Variants in ANKS1B observed in about 807,000 individuals in gnomAD.
The protein encoded by ANKS1B is ankyrin repeat and sterile alpha motif domain-containing protein 1B.
Under a neutral mutation model 148.3 loss-of-function variants are expected in ANKS1B, and 36 were observed. The ratio of observed to expected loss-of-function variants is 0.24; its 90% CI spans 0.19 to 0.32. The LOEUF (loss-of-function observed/expected upper bound fraction) is 0.32, where lower values mean the gene tolerates loss of function less well. Among genes scored for constraint, ANKS1B ranks in the 10% least tolerant of loss-of-function variants. ANKS1B has a pLI of 1.00. For synonymous variants in ANKS1B, 542 were observed against 560.8 expected (o/e 0.97, Z 0.47); for missense variants, 1,157 against 1,542.6 (o/e 0.75, Z 4.19).
chr12:98,859,498 G>A (rs1196614280), intron 17 of ANKS1B, among the ~76,000 whole-genome samples: 1 of 152,212 alleles, frequency 6.6e-6, no homozygotes, highest in Non-Finnish European at 1.5e-5. Flanking sequence ...TACAGTGATT[G>A]AGTACATAAG....
chr12:99,638,714 T>TG (rs1231809233), intron 9 of ANKS1B, among the ~76,000 whole-genome samples: 1 of 151,874 alleles, frequency 6.6e-6, no homozygotes, highest in Non-Finnish European at 1.5e-5. Context: ...ACCAAGACAA[T>TG]GGGGAAAATG....
intron 19 of ANKS1B, among the ~76,000 whole-genome samples, chr12:98,822,376 C>T (rs943191431): frequency 1.3e-5 from 2 of 152,124 alleles, no homozygotes; most frequent in African/African-American, 4.8e-5. Context: ...CAGATTATAA[C>T]AGCCAAAACT....
intron 17 of ANKS1B, among the ~76,000 whole-genome samples, chr12:99,020,334 A>G (rs538365667): frequency 3.9e-5 from 6 of 152,232 alleles, no homozygotes; most frequent in Admixed American, 3.9e-4. Context: ...ATGGAATCAT[A>G]TAATATTTGT....
chr12:99,305,997 G>A (rs187755028), intron 12 of ANKS1B, among the ~76,000 whole-genome samples: 1 of 152,152 alleles, frequency 6.6e-6, no homozygotes, highest in Admixed American at 6.6e-5. Context: ...CACTTTGGGG[G>A]ATGCTTTTTA....
intron 22 of ANKS1B, among the ~76,000 whole-genome samples, chr12:98,795,251 T>C (rs528874172): frequency 7.0e-4 from 106 of 152,358 alleles, no homozygotes; most frequent in South Asian, 6.4e-3. Flanking sequence ...ACTAACAATT[T>C]GTATGACAGT....
chr12:98,870,792 C>T (rs1188099770), intron 17 of ANKS1B, among the ~76,000 whole-genome samples: 2 of 152,240 alleles, frequency 1.3e-5, no homozygotes, highest in African/African-American at 4.8e-5. Context: ...AGGCCCAGGA[C>T]GACAAACCTT....
At chr12:99,878,921 T>A (rs1396360517) in intron 1 of ANKS1B, among the ~76,000 whole-genome samples, 1 of 152,168 alleles carries the variant, frequency 6.6e-6, no homozygotes, top group Non-Finnish European at 1.5e-5. Flanking sequence ...TTCCTGACAG[T>A]CTTTCTTCTG....
intron 17 of ANKS1B, chr12:98,931,874 G>A (rs893587215): frequency 2.6e-5 from 4 of 152,130 alleles, no homozygotes; most frequent in Non-Finnish European, 5.9e-5. Context: ...TTTCCTGAAA[G>A]AGATTGGTGT....
intron 22 of ANKS1B, among the ~76,000 whole-genome samples, chr12:98,796,438 C>G (rs2098950213): frequency 6.6e-6 from 1 of 152,018 alleles, no homozygotes. Context: ...GGCTGAAATG[C>G]CACCATGCTG....
intron 17 of ANKS1B, among the ~76,000 whole-genome samples, chr12:98,984,990 GA>G (rs1325303716): frequency 6.6e-6 from 1 of 152,194 alleles, no homozygotes; most frequent in Non-Finnish European, 1.5e-5. Context: ...CAACCTGGGT[GA>G]CAAAGTGAGA....
intron 12 of ANKS1B, among the ~76,000 whole-genome samples, chr12:99,358,683 G>GCA (rs1248415243): frequency 2.3e-5 from 3 of 131,652 alleles, no homozygotes; most frequent in African/African-American, 9.7e-5. Flanking sequence ...GTGTGTGCAT[G>GCA]CATACACACA....
At chr12:99,043,804 C>G (rs117374253) in intron 17 of ANKS1B, among the ~76,000 whole-genome samples, 1 of 152,182 alleles carries the variant, frequency 6.6e-6, no homozygotes, top group Admixed American at 6.5e-5. Flanking sequence ...ATGGCTTATA[C>G]GAATCTTATA....
intron 12 of ANKS1B, chr12:99,351,874 A>C (rs1197539387): frequency 6.6e-6 from 1 of 152,118 alleles, no homozygotes; most frequent in Non-Finnish European, 1.5e-5. Flanking sequence ...TTCCTGCTTA[A>C]GCAACAATCT....
rs138300848 is a variant in ANKS1B, at chr12:99,703,624, T to C, written c.1129-48414A>G. ...CTCAGACACTGCTTTTGTGAAGTCA[T>C]TGTGAATCCTGTTCTCCTCCCCTGG... is the stretch of plus-strand genomic sequence containing the variant. On this transcript the variant is annotated intron_variant, in intron 8 of 26. Transcript: ENST00000683438. 1.1e-3 allele frequency among the ~76,000 whole-genome samples: 174 copies of C among 152,226 alleles called. 3 individuals carry two copies. Among genetic ancestry groups the C allele is most frequent in the Middle Eastern group, 3.4e-3 (1 of 294 alleles).
intron 17 of ANKS1B, among the ~76,000 whole-genome samples, chr12:98,860,084 G>A (rs918032886): frequency 1.3e-5 from 2 of 152,216 alleles, no homozygotes; most frequent in African/African-American, 2.4e-5. Context: ...CTCTCGTTCC[G>A]AGATGATTTC....
chr12:99,795,573 A>G (rs187069302), intron 4 of ANKS1B, among the ~76,000 whole-genome samples: 5 of 152,112 alleles, frequency 3.3e-5, no homozygotes, highest in Admixed American at 3.3e-4. Flanking sequence ...AGAATGGTTA[A>G]TATGAGGCTA....
rs1021611424 is a variant in ANKS1B at position 99,592,453 on chromosome 12, C to T, written c.1272+62614G>A. 6.7e-5 allele frequency among the ~76,000 whole-genome samples: 10 copies of T among 149,896 alleles called. No homozygotes were observed. In the Admixed American group the frequency reaches 6.7e-4, roughly 10 times the overall value. On this transcript the variant is annotated intron_variant, in intron 9 of 26. Coordinates refer to ENST00000683438, the MANE Select transcript of ANKS1B (RefSeq NM_001352186.2). Reference sequence around the variant, plus strand: ...CCCACAACTCAAAAGAGGAATCTGACCTAGTGGCTTACTAGAGATTGGAAA... The same window carrying T: ...CCCACAACTCAAAAGAGGAATCTGATCTAGTGGCTTACTAGAGATTGGAAA...
rs77049439 is a variant in ANKS1B, at chr12:99,212,114, C to T, written c.2419+32228G>A. 4.2e-3 allele frequency among the ~76,000 whole-genome samples: 634 copies of T among 152,286 alleles called. 25 individuals carry two copies. In the East Asian group the frequency reaches 0.084, roughly 20 times the overall value. ...CTAATGTGGCATTTGCACACTTGGG[C>T]GGCTACAGTACTTCCGTGCTGCTGC... On this transcript the variant is annotated intron_variant, in intron 14 of 26. Transcript: ENST00000683438.
At chr12:98,853,095 T>C (rs2099540354) in intron 17 of ANKS1B, among the ~76,000 whole-genome samples, 1 of 152,172 alleles carries the variant, frequency 6.6e-6, no homozygotes, top group Admixed American at 6.5e-5. Flanking sequence ...TTAGGACCAT[T>C]TGACTGGCAA....
Sources: allele counts gnomAD v4.1 joint callset (sites outside exome capture counted in the v4.1 genomes callset), GRCh38; gene constraint gnomAD v4.1.1; transcripts MANE v1.5; gene names NCBI Gene and HGNC (gene_info 2026-07-23, HGNC 2026-07-21).